PLA2G3: variants seen among roughly 807,000 people sequenced by gnomAD.
The protein encoded by PLA2G3 is phospholipase A2 group III.
A neutral mutation model predicts 51.3 loss-of-function variants in PLA2G3; 39 were observed. The observed-to-expected ratio is 0.76, with a 90% CI of 0.59 to 0.99. The LOEUF (loss-of-function observed/expected upper bound fraction) is 0.99. Among genes scored for constraint, PLA2G3 ranks in the 50% least tolerant of loss-of-function variants. The probability of loss-of-function intolerance (pLI) is 0.00; values close to 1 mark genes in which losing one functional copy is unlikely to be tolerated. For synonymous variants in PLA2G3, 293 were observed against 263.1 expected (o/e 1.11, Z -1.10); for missense variants, 677 against 662.1 (o/e 1.02, Z -0.25).
Position 31,135,890 on chromosome 22 carries a change from G to A in PLA2G3, c.1363C>T (p.Arg455Trp), listed in dbSNP as rs760625707. The change falls in exon 7 of 7, where the codon CGG becomes TGG. Residue 455 changes from arginine (R) to tryptophan (W), a missense_variant. Physicochemically the swap from Arg to Trp is moderately radical, Grantham distance 101. Transcript: ENST00000215885. ...RAIRVSARHL[R>W]RLQQRRHQLQ... ...TGGTGTCGCCTCTGCTGAAGCCTCC[G>A]CAAGTGCCGGGCTGACACCCTGATG... is the stretch of plus-strand genomic sequence containing the variant. 13 of 1,613,676 alleles carry A rather than the reference G, an allele frequency of 8.1e-6. No homozygotes were observed. The highest frequency in any genetic ancestry group is 2.2e-5 in the East Asian group (1 of 44,896).
At position 31,137,980 on chromosome 22, in the gene PLA2G3, C is replaced by T. The variant is rs150149062; in HGVS notation, c.796G>A (p.Gly266Ser). The T allele has an allele frequency of 7.9e-5, 124 of 1,567,064 alleles. No individual in the cohort carries two copies. The highest frequency in any genetic ancestry group is 7.6e-5 in the Admixed American group (4 of 52,616). ...TGCAGGCGAGCGAGGGGCACTGTGC[C>T]GTACATCCTACACCTGGGTGGTGGC... The part of the protein sequence containing the change: ...WYWWGGCRMY[G>S]TVPLARLQPR... The change falls in exon 4 of 7, where the codon GGC becomes AGC. Residue 266 changes from glycine (G) to serine (S), a missense_variant. By Grantham distance (56) the Gly-to-Ser change is moderately conservative. Coordinates refer to ENST00000215885, the MANE Select transcript of PLA2G3 (RefSeq NM_015715.5).
chr22:31,140,165 C>T lies in PLA2G3; in HGVS notation c.190G>A (p.Ala64Thr). ...CTACATGACTGCAGCCTCCTATGCGCATCCCAGCGGGCATGGATCAGGGCC... is the reference window on the plus strand; with the variant it reads ...CTACATGACTGCAGCCTCCTATGCGTATCCCAGCGGGCATGGATCAGGGCC... Reference protein sequence around the residue: ...GLALIHARWDAHRRLQSCSWE... With the variant: ...GLALIHARWDTHRRLQSCSWE... Residue 64 changes from alanine to threonine, a missense_variant, in exon 1 of 7, where the codon GCG (alanine) becomes ACG (threonine). Coordinates refer to ENST00000215885, the MANE Select transcript of PLA2G3 (RefSeq NM_015715.5). 6.2e-7 allele frequency: 1 copy of T among 1,612,618 alleles called. No individual in the cohort carries two copies. The highest frequency in any genetic ancestry group is 1.7e-5 in the Admixed American group (1 of 60,016).
Position 31,135,952 on chromosome 22 carries a change from A to G in PLA2G3, c.1317-16T>C, listed in dbSNP as rs1166701253. 5 of 1,602,100 alleles carry G rather than the reference A, an allele frequency of 3.1e-6. No individual in the cohort carries two copies. Among genetic ancestry groups the G allele is most frequent in the African/African-American group, 1.3e-5 (1 of 74,800 alleles). ...TCTGGAACAGCTGTAAGGAGAGAAG[A>G]GTGGGGCAGATGATCAGGGCTGACA... On this transcript the variant is annotated splice_polypyrimidine_tract_variant and intron_variant, in intron 6 of 6. Transcript: ENST00000215885.
chr22:31,140,135 C>T lies in PLA2G3; in HGVS notation c.220G>A (p.Glu74Lys). ...GCTGCGGTGAGCTCCGGCTCATCCTCCCAGCTACATGACTGCAGCCTCCTA... is the reference window on the plus strand; with the variant it reads ...GCTGCGGTGAGCTCCGGCTCATCCTTCCAGCTACATGACTGCAGCCTCCTA... ...AHRRLQSCSW[E>K]DEPELTAAYG... is the part of the protein sequence containing the mutation. The change falls in exon 1 of 7, where the codon GAG becomes AAG. Residue 74 changes from glutamate to lysine, a missense_variant. Coordinates refer to ENST00000215885, the MANE Select transcript of PLA2G3 (RefSeq NM_015715.5). 6.2e-7 allele frequency: 1 copy of T among 1,613,004 alleles called. No individual in the cohort carries two copies. The highest frequency in any genetic ancestry group is 8.5e-7 in the Non-Finnish European group (1 of 1,179,990).
chr22:31,137,102 G>A, intron 4 of PLA2G3, 62 bp from the exon 5 acceptor site: 6 of 1,432,152 alleles, frequency 4.2e-6, no homozygotes, highest in Non-Finnish European at 5.6e-6. Flanking sequence ...ACCAATGCCT[G>A]CGCCATCCGG....
rs1922719122 is a variant in PLA2G3, at chr22:31,138,465, C to T, written c.648-55G>A. The T allele has an allele frequency of 1.9e-6, 3 of 1,596,066 alleles. No homozygotes were observed. In the South Asian group the frequency reaches 3.3e-5, roughly 18 times the overall value. On this transcript the variant is annotated intron_variant, in intron 2 of 6. Transcript: ENST00000215885. ...GGGCATGGAGGGCTGTCTGGCTCCT[C>T]CCACAGCCCACTGTGCCACTACCAG... is the stretch of plus-strand genomic sequence containing the variant.
chr22:31,138,456 C>A, intron 2 of PLA2G3, 46 bp from the exon 3 acceptor site: 1 of 1,603,848 alleles, frequency 6.2e-7, no homozygotes, highest in South Asian at 1.1e-5. Flanking sequence ...GGAGGGCTGT[C>A]TGGCTCCTCC....
Position 31,138,704 on chromosome 22 carries a change from G to C in PLA2G3, c.610C>G (p.Arg204Gly). Reference sequence around the variant, plus strand: ...TCACAGTGGGAGATGGTGTGGAATCGGTAGTTTCGGATGCCATAGTTGTAC... The same window carrying C: ...TCACAGTGGGAGATGGTGTGGAATCCGTAGTTTCGGATGCCATAGTTGTAC... ...LQYNYGIRNY[R>G]FHTISHCDCD... The change falls in exon 2 of 7, where the codon CGA (arginine) becomes GGA (glycine). Residue 204 changes from arginine to glycine, a missense_variant. Coordinates refer to ENST00000215885, the MANE Select transcript of PLA2G3 (RefSeq NM_015715.5). The C allele has an allele frequency of 1.9e-6, 3 of 1,614,084 alleles. No homozygotes were observed. Among genetic ancestry groups the C allele is most frequent in the Non-Finnish European group, 2.5e-6 (3 of 1,179,978 alleles).
intron 6 of PLA2G3, 36 bp from the exon 7 acceptor site, chr22:31,135,972 C>A (rs1922537202): frequency 6.4e-7 from 1 of 1,552,816 alleles, no homozygotes; most frequent in South Asian, 1.1e-5. Flanking sequence ...ATGATCAGGG[C>A]TGACAAGGAT....
At position 31,138,347 on chromosome 22, in the gene PLA2G3, G is replaced by A; in HGVS notation, c.711C>T (p.Phe237=). The A allele has an allele frequency of 1.2e-6, 2 of 1,613,990 alleles. No homozygotes were observed. Among genetic ancestry groups the A allele is most frequent in the African/African-American group, 1.3e-5 (1 of 75,044 alleles). Residue 237 remains phenylalanine (F), a synonymous_variant, in exon 3 of 7, where the codon TTC becomes TTT. Transcript: ENST00000215885. ...CAAAGCAGGGGATCTCCAGCACGTT[G>A]AAGAAGGCCACGCCCACGATGTCCG... The part of the protein sequence containing the change: ...SISDIVGVAF[F]NVLEIPCFVL...
At chr22:31,136,043 T>A in intron 6 of PLA2G3, 107 bp from the exon 7 acceptor site, 1 of 886,232 alleles carries the variant, frequency 1.1e-6, no homozygotes, top group Non-Finnish European at 1.8e-6. Flanking sequence ...GGGGCCACAG[T>A]CACCAGCAAG....
chr22:31,138,365 G>A lies in PLA2G3; in HGVS notation c.693C>T (p.Ile231=), dbSNP rs529525769. ...GCACGTTGAAGAAGGCCACGCCCACGATGTCCGAGATGGAGTCGTGCTGAT... is the reference window on the plus strand; with the variant it reads ...GCACGTTGAAGAAGGCCACGCCCACAATGTCCGAGATGGAGTCGTGCTGAT... ...LQNQHDSISD[I]VGVAFFNVLE... The change falls in exon 3 of 7, where the codon ATC becomes ATT. Residue 231 remains isoleucine (I), a synonymous_variant. Transcript: ENST00000215885. 3.5e-5 allele frequency: 56 copies of A among 1,613,926 alleles called. No individual in the cohort carries two copies. The Admixed American group carries it at 4.0e-4, about 12-fold the overall frequency.
In PLA2G3 at chr22:31,135,683, G is replaced by T. The variant is rs1422629383; in HGVS notation, c.*40C>A. ...TTCCCAAGGCTTGGCATAGCCATGGGCAAGGTCCAGGCTGGTGCCCAGGAA... is the reference window on the plus strand; with the variant it reads ...TTCCCAAGGCTTGGCATAGCCATGGTCAAGGTCCAGGCTGGTGCCCAGGAA... On this transcript the variant is annotated 3_prime_UTR_variant, in exon 7 of 7. Transcript: ENST00000215885. The T allele has an allele frequency of 6.7e-7, 1 of 1,500,958 alleles. No individual in the cohort carries two copies. The highest frequency in any genetic ancestry group is 1.1e-5 in the South Asian group (1 of 88,562). 93.0% of individuals were successfully genotyped at this position (1,500,958 alleles called of 1,614,324 possible).
In PLA2G3 at chr22:31,135,906, C is replaced by G. The variant is rs536237886; in HGVS notation, c.1347G>C (p.Val449=). 12 of 1,613,748 alleles carry G rather than the reference C, an allele frequency of 7.4e-6. No homozygotes were observed. Among genetic ancestry groups the G allele is most frequent in the Admixed American group, 1.7e-5 (1 of 60,026 alleles). Residue 449 remains valine, a synonymous_variant, in exon 7 of 7, where the codon GTG becomes GTC. Coordinates refer to ENST00000215885, the MANE Select transcript of PLA2G3 (RefSeq NM_015715.5). ...GAAGCCTCCGCAAGTGCCGGGCTGA[C>G]ACCCTGATGGCCCTAGGGTCTCTGG... ...NCSRDPRAIR[V]SARHLRRLQQ... is the part of the protein sequence containing the mutation.
intron 3 of PLA2G3, 108 bp from the exon 4 acceptor site, chr22:31,138,101 C>T (rs1245075188): frequency 7.3e-6 from 10 of 1,379,200 alleles, no homozygotes; most frequent in South Asian, 1.4e-5. Context: ...TCCCCCATCC[C>T]GCTGGGTTGT....
Position 31,138,271 on chromosome 22 carries a change from C to A in PLA2G3, c.782+5G>T. The A allele has an allele frequency of 1.2e-6, 2 of 1,612,832 alleles. No individual in the cohort carries two copies. On this transcript the variant is annotated splice_donor_5th_base_variant and intron_variant, in intron 3 of 6. Coordinates refer to ENST00000215885, the MANE Select transcript of PLA2G3 (RefSeq NM_015715.5). The stretch of plus-strand genomic sequence containing the variant: ...GGAAAGGGACATGAGGGGGTGGCCA[C>A]GTACCCGCCCCACCAGTACCACGCC...
chr22:31,137,925 C>A lies in PLA2G3; in HGVS notation c.851G>T (p.Ser284Ile). 1 of 1,611,918 alleles carries A rather than the reference C, an allele frequency of 6.2e-7. No individual in the cohort carries two copies. Among genetic ancestry groups the A allele is most frequent in the Admixed American group, 1.7e-5 (1 of 59,822 alleles). ...QPRTFYNASW[S>I]SRATSPTPSS... ...GGGAGTTGGGGAGGTGGCCCGGGAG[C>A]TCCAGGAGGCATTGTAGAAGGTCCT... The change falls in exon 4 of 7, where the codon AGC (serine) becomes ATC (isoleucine). Residue 284 changes from serine to isoleucine, a missense_variant. Transcript: ENST00000215885.
Position 31,137,942 on chromosome 22 carries a change from G to A in PLA2G3, c.834C>T (p.Phe278=). Reference sequence around the variant, plus strand: ...CCCGGGAGCTCCAGGAGGCATTGTAGAAGGTCCTGGGCTGCAGGCGAGCGA... The same window carrying A: ...CCCGGGAGCTCCAGGAGGCATTGTAAAAGGTCCTGGGCTGCAGGCGAGCGA... ...VPLARLQPRT[F]YNASWSSRAT... is the part of the protein sequence containing the mutation. Residue 278 remains phenylalanine (F), a synonymous_variant, in exon 4 of 7, where the codon TTC becomes TTT. Transcript: ENST00000215885. 6.2e-7 allele frequency: 1 copy of A among 1,609,940 alleles called. No homozygotes were observed. The highest frequency in any genetic ancestry group is 8.5e-7 in the Non-Finnish European group (1 of 1,178,030).
rs767157573 is a variant in PLA2G3, at chr22:31,137,718, T to C, written c.1058A>G (p.Lys353Arg). The change falls in exon 4 of 7, where the codon AAA (lysine) becomes AGA (arginine). Residue 353 changes from lysine (K) to arginine (R), a missense_variant. Transcript: ENST00000215885. ...TTAGGTTCTGAGCTCACCCTGAGGT[T>C]TTAGGCCACCCTGTGGGCCCTGGAG... is the stretch of plus-strand genomic sequence containing the variant. ...TGLQGPQGGLKPQGARWVCRS... is the reference protein window; with the variant it reads ...TGLQGPQGGLRPQGARWVCRS... The C allele has an allele frequency of 5.0e-6, 8 of 1,604,610 alleles. No homozygotes were observed. Among genetic ancestry groups the C allele is most frequent in the Non-Finnish European group, 5.9e-6 (7 of 1,177,194 alleles).
Sources: allele counts gnomAD v4.1 joint callset, GRCh38; gene constraint gnomAD v4.1.1; transcripts MANE v1.5; gene names NCBI Gene and HGNC (gene_info 2026-07-23, HGNC 2026-07-21).